Variants in CFAP299 observed in about 807,000 individuals in gnomAD.
CFAP299 encodes the protein cilia- and flagella-associated protein 299.
CFAP299 carries 21 observed loss-of-function variants against 27.0 expected under a neutral mutation model. That is an observed-to-expected ratio of 0.78 (90% CI 0.55 to 1.12). The LOEUF is 1.12. Ranked by LOEUF, CFAP299 falls within the 50% of genes most tolerant of loss-of-function variation. The pLI, the probability that CFAP299 is intolerant of heterozygous loss-of-function variation, is 0.00. For synonymous variants in CFAP299, 104 were observed against 98.1 expected (o/e 1.06, Z -0.36); for missense variants, 310 against 276.6 (o/e 1.12, Z -0.86).
intron 1 of CFAP299, among the ~76,000 whole-genome samples, chr4:80,343,766 G>A (rs1349207818): frequency 2.9e-5 from 4 of 138,462 alleles, no homozygotes; most frequent in African/African-American, 8.1e-5. Flanking sequence ...TCCGCAGTCC[G>A]GTCCGGCCTG....
intron 2 of CFAP299, among the ~76,000 whole-genome samples, chr4:80,487,387 A>G (rs1730873739): frequency 1.3e-5 from 2 of 152,206 alleles, no homozygotes; most frequent in African/African-American, 4.8e-5. Flanking sequence ...AGTTTTGACT[A>G]TTAGACAAGA....
chr4:80,399,195 A>G (rs148930723), intron 2 of CFAP299, among the ~76,000 whole-genome samples: 2,784 of 152,216 alleles, frequency 0.018, 51 homozygotes, highest in African/African-American at 0.043. Flanking sequence ...GAAACAACAT[A>G]TGCTGGAGAG....
chr4:80,674,735 T>C (rs1236534257), intron 3 of CFAP299, among the ~76,000 whole-genome samples: 1 of 152,184 alleles, frequency 6.6e-6, no homozygotes, highest in African/African-American at 2.4e-5. Context: ...TACTCTTTTT[T>C]TCTCTAAACT....
intron 2 of CFAP299, among the ~76,000 whole-genome samples, chr4:80,492,869 G>A (rs958971388): frequency 3.3e-5 from 5 of 152,188 alleles, no homozygotes; most frequent in Non-Finnish European, 7.3e-5. Flanking sequence ...CTGGGGTGAT[G>A]GAGACTGTGG....
At chr4:80,950,615 G>C (rs567627944) in intron 5 of CFAP299, among the ~76,000 whole-genome samples, 6 of 152,276 alleles carry the variant, frequency 3.9e-5, no homozygotes, top group Admixed American at 3.3e-4. Context: ...GAGCACGAAG[G>C]CATGGGAGCA....
the CFAP299 span, among the ~76,000 whole-genome samples, chr4:80,328,694 C>G: frequency 6.6e-6 from 1 of 152,264 alleles, no homozygotes; most frequent in African/African-American, 2.4e-5. Context: ...AAATCCTGTG[C>G]TTTGTTCCAG....
At chr4:80,662,761 G>A (rs1242891385) in intron 3 of CFAP299, among the ~76,000 whole-genome samples, 2 of 152,156 alleles carry the variant, frequency 1.3e-5, no homozygotes. Context: ...AAGAATGGGT[G>A]TCCTGGAATA....
At chr4:80,598,327 A>G (rs1396991087) in intron 3 of CFAP299, among the ~76,000 whole-genome samples, 1 of 152,182 alleles carries the variant, frequency 6.6e-6, no homozygotes, top group Non-Finnish European at 1.5e-5. Context: ...CCTGAATACT[A>G]CTTTTAGAAA....
At chr4:80,914,532 A>G (rs1285686712) in intron 4 of CFAP299, among the ~76,000 whole-genome samples, 1 of 152,188 alleles carries the variant, frequency 6.6e-6, no homozygotes, top group Non-Finnish European at 1.5e-5. Context: ...GTATTCAGAC[A>G]TTGAAAAAAG....
At chr4:80,369,606 A>G (rs1321801144) in intron 2 of CFAP299, among the ~76,000 whole-genome samples, 1 of 152,148 alleles carries the variant, frequency 6.6e-6, no homozygotes, top group Non-Finnish European at 1.5e-5. Context: ...TCCCCATTCT[A>G]TAACTGCAGT....
intron 4 of CFAP299, among the ~76,000 whole-genome samples, chr4:80,877,064 A>T (rs1483376475): frequency 1.3e-5 from 2 of 152,180 alleles, no homozygotes; most frequent in Non-Finnish European, 2.9e-5. Context: ...AGCTCTGAAC[A>T]GAATTAAAAG....
At chr4:80,466,656 G>A (rs1729717939) in intron 2 of CFAP299, among the ~76,000 whole-genome samples, 1 of 152,270 alleles carries the variant, frequency 6.6e-6, no homozygotes, top group East Asian at 1.9e-4. Flanking sequence ...GCCAACTTTA[G>A]CCTACTCCAA....
chr4:80,440,321 G>A (rs561866587), intron 2 of CFAP299, among the ~76,000 whole-genome samples: 1 of 82,972 alleles, frequency 1.2e-5, no homozygotes, highest in South Asian at 4.0e-4. Flanking sequence ...GGCATCTGGC[G>A]GGTGCCCCTC....
At chr4:80,732,512 A>G (rs923109597) in intron 3 of CFAP299, among the ~76,000 whole-genome samples, 1 of 152,172 alleles carries the variant, frequency 6.6e-6, no homozygotes, top group African/African-American at 2.4e-5. Context: ...TGAATAGTAC[A>G]TTCTATTCTT....
At position 80,566,274 on chromosome 4, in the gene CFAP299, T is replaced by G. The variant is rs188834436; in HGVS notation, c.243-16819T>G. Among the ~76,000 whole-genome samples the G allele has an allele frequency of 2.0e-5, 3 of 152,212 alleles. 1 individual carries two copies. In the East Asian group the frequency reaches 5.8e-4, roughly 29 times the overall value. ...GAGGGTATCATGCAATAAGCCTTTC[T>G]AATAGTATTTTTTTAAGTATCTTTC... On this transcript the variant is annotated intron_variant, in intron 2 of 5. Transcript: ENST00000358105.
At chr4:80,882,348 GGTAA>G (rs1426426425) in intron 4 of CFAP299, among the ~76,000 whole-genome samples, 1 of 152,126 alleles carries the variant, frequency 6.6e-6, no homozygotes, top group Non-Finnish European at 1.5e-5. Context: ...AGTTCAAAGT[GGTAA>G]GTAAGGCCGG....
intron 3 of CFAP299, among the ~76,000 whole-genome samples, chr4:80,674,633 A>G (rs1719286769): frequency 6.6e-6 from 1 of 152,018 alleles, no homozygotes; most frequent in South Asian, 2.1e-4. Flanking sequence ...AATTGGTTCC[A>G]TTCTCCCCGT....
At chr4:80,817,929 G>A (rs960001010) in intron 3 of CFAP299, among the ~76,000 whole-genome samples, 1 of 151,732 alleles carries the variant, frequency 6.6e-6, no homozygotes, top group Admixed American at 6.6e-5. Context: ...TTGCTGCACA[G>A]ATCATCCCAA....
At chr4:80,885,906 T>C (rs75163886) in intron 4 of CFAP299, among the ~76,000 whole-genome samples, 2,278 of 152,170 alleles carry the variant, frequency 0.015, 66 homozygotes, top group African/African-American at 0.051. Flanking sequence ...GACCTTGGTG[T>C]CCCTGAGTCC....
Sources: allele counts gnomAD v4.1 joint callset (sites outside exome capture counted in the v4.1 genomes callset), GRCh38; gene constraint gnomAD v4.1.1; transcripts MANE v1.5; gene names NCBI Gene and HGNC (gene_info 2026-07-23, HGNC 2026-07-21).